The following GRIK5 variants were observed in gnomAD, a reference collection of about 807,000 sequenced individuals.
The protein encoded by GRIK5 is glutamate receptor ionotropic, kainate 5.
A neutral mutation model predicts 97.4 loss-of-function variants in GRIK5; 43 were observed. That is an observed-to-expected ratio of 0.44 (90% CI 0.35 to 0.57). The LOEUF is 0.57. Ranked by LOEUF, GRIK5 falls within the 20% of genes least tolerant of loss-of-function variation. The probability of loss-of-function intolerance (pLI) is 0.01; values close to 1 mark genes in which losing one functional copy is unlikely to be tolerated. For synonymous variants in GRIK5, 580 were observed against 583.5 expected (o/e 0.99, Z 0.09); for missense variants, 1,015 against 1,382.0 (o/e 0.73, Z 4.21).
chr19:42,059,376 G>A lies in GRIK5; in HGVS notation c.660C>T (p.Ala220=). The change falls in exon 6 of 20, where the codon GCC becomes GCT. Residue 220 remains alanine (A), a synonymous_variant. Transcript: ENST00000593562. The part of the protein sequence containing the change: ...KVSTIIIDAN[A]SISHLILRKA... Reference sequence around the variant, plus strand: ...TACGGAGGATGAGGTGGGAGATGGAGGCGTTGGCGTCGATGATGATGGTGG... The same window carrying A: ...TACGGAGGATGAGGTGGGAGATGGAAGCGTTGGCGTCGATGATGATGGTGG... 6.2e-7 allele frequency: 1 copy of A among 1,613,716 alleles called. No individual in the cohort carries two copies. Among genetic ancestry groups the A allele is most frequent in the Non-Finnish European group, 8.5e-7 (1 of 1,179,648 alleles).
chr19:42,007,645 C>T (rs782743003), intron 15 of GRIK5, among the ~76,000 whole-genome samples: 25 of 152,170 alleles, frequency 1.6e-4, no homozygotes, highest in South Asian at 1.2e-3. Context: ...ATTCAGAAAC[C>T]GGTGGTCCCC....
In GRIK5 at chr19:42,006,729, A is replaced by C. The variant is rs782710347; in HGVS notation, c.1953T>G (p.Pro651=). The C allele has an allele frequency of 1.2e-6, 2 of 1,613,804 alleles. No individual in the cohort carries two copies. The highest frequency in any genetic ancestry group is 1.7e-6 in the Non-Finnish European group (2 of 1,179,868). The part of the protein sequence containing the change: ...AFLTVQRMEV[P]VESADDLADQ... The stretch of plus-strand genomic sequence containing the variant: ...CTGCCAGGTCATCGGCCGACTCCAC[A>C]GGCACCTCCATGCGCTGCACGGTGA... The change falls in exon 16 of 20, where the codon CCT becomes CCG. Residue 651 remains proline (P), a synonymous_variant. Coordinates refer to ENST00000593562, the MANE Select transcript of GRIK5 (RefSeq NM_002088.5). This position sits in a 1 kb window ranked among gnomAD's most constrained non-coding sequence, Gnocchi z 5.3.
rs974175492 is a variant in GRIK5 at position 42,070,153 on chromosome 19, G to A, written c.-963C>T. On this transcript the variant is annotated 5_prime_UTR_variant, in exon 1 of 20. Coordinates refer to ENST00000593562, the MANE Select transcript of GRIK5 (RefSeq NM_002088.5). ...GCCGCCACCGCTCAGTCTCCCCTCC[G>A]AGGCCGCCGCCTGCCTGCCCGCCTG... Among the ~76,000 whole-genome samples the A allele has an allele frequency of 6.6e-6, 1 of 151,966 alleles. No individual in the cohort carries two copies. Among genetic ancestry groups the A allele is most frequent in the Non-Finnish European group, 1.5e-5 (1 of 67,966 alleles).
At chr19:42,039,881 G>A (rs1317917654) in intron 12 of GRIK5, among the ~76,000 whole-genome samples, 1 of 152,150 alleles carries the variant, frequency 6.6e-6, no homozygotes, top group African/African-American at 2.4e-5. Context: ...TCGGGAGGCT[G>A]AGGTGGGAGG....
chr19:42,062,415 T>G lies in GRIK5; in HGVS notation c.508+73A>C. On this transcript the variant is annotated intron_variant, in intron 5 of 19. Transcript: ENST00000593562. The surrounding 1 kb of genome is among the most constrained non-coding windows in gnomAD (Gnocchi z 5.3). ...TTCTAACTAGGGGGCAGTGAACCAC[T>G]GTGTGGGACACCAGATCTCTTGGGA... 1.3e-6 allele frequency: 2 copies of G among 1,502,632 alleles called. No homozygotes were observed. Among genetic ancestry groups the G allele is most frequent in the South Asian group, 1.2e-5 (1 of 84,930 alleles). The allele number at this position is 1,502,632 out of a possible 1,614,324, so 93.1% of individuals were successfully genotyped here.
chr19:42,043,870 A>G (rs1384833742), intron 11 of GRIK5, among the ~76,000 whole-genome samples: 1 of 152,126 alleles, frequency 6.6e-6, no homozygotes, highest in Non-Finnish European at 1.5e-5. Flanking sequence ...TGACTGTACC[A>G]CTGCACTTCA....
chr19:42,035,765 G>A (rs1026937291), intron 12 of GRIK5, among the ~76,000 whole-genome samples: 2 of 152,152 alleles, frequency 1.3e-5, no homozygotes, highest in Non-Finnish European at 2.9e-5. Context: ...TAGAAAATGA[G>A]TTGGAGGAAT....
At chr19:42,040,783 G>A (rs983017650) in intron 12 of GRIK5, among the ~76,000 whole-genome samples, 16 of 152,144 alleles carry the variant, frequency 1.1e-4, no homozygotes, top group African/African-American at 3.9e-4. Context: ...GAACCCGGGA[G>A]GTGGAGGTTG....
intron 1 of GRIK5, among the ~76,000 whole-genome samples, chr19:42,067,140 A>G (rs2146193195): frequency 6.6e-6 from 1 of 152,276 alleles, no homozygotes; most frequent in African/African-American, 2.4e-5. Flanking sequence ...TCCATGGAGT[A>G]GGGTTACTGT....
chr19:42,042,822 G>GGAT lies in GRIK5; in HGVS notation c.1270-68_1270-67insATC. 8.1e-7 allele frequency: 1 copy of GGAT among 1,231,080 alleles called. No homozygotes were observed. Among genetic ancestry groups the GGAT allele is most frequent in the Non-Finnish European group, 1.2e-6 (1 of 857,686 alleles). 76.3% of individuals were successfully genotyped at this position (1,231,080 alleles called of 1,614,324 possible). A position where few individuals can be genotyped will look rare whatever the true frequency, so the allele number is the denominator to read the frequency against. ...TAGTGGCTGGGTTGCGGATCCTGGA[G>GGAT]CCCGGACCAGGCAGGTAGAGCAGGA... On this transcript the variant is annotated intron_variant, in intron 11 of 19. Transcript: ENST00000593562. This position sits in a 1 kb window ranked among gnomAD's most constrained non-coding sequence, Gnocchi z 6.9.
chr19:42,007,076 T>G (rs1171602244), intron 15 of GRIK5, among the ~76,000 whole-genome samples: 6 of 151,968 alleles, frequency 3.9e-5, no homozygotes, highest in African/African-American at 7.3e-5. Flanking sequence ...AAGAGCTGGA[T>G]AGAATACAGG....
At chr19:42,039,849 A>T (rs1017412445) in intron 12 of GRIK5, among the ~76,000 whole-genome samples, 2 of 152,146 alleles carry the variant, frequency 1.3e-5, no homozygotes, top group Non-Finnish European at 2.9e-5. Flanking sequence ...GCATTATGGC[A>T]TATGCCTATA....
intron 15 of GRIK5, among the ~76,000 whole-genome samples, chr19:42,010,411 C>G (rs1555873732): frequency 2.0e-5 from 3 of 152,090 alleles, no homozygotes; most frequent in Admixed American, 6.6e-5. Context: ...AGAGAAACAT[C>G]TTAAAAGCAG....
intron 12 of GRIK5, among the ~76,000 whole-genome samples, chr19:42,041,061 G>C (rs1009012930): frequency 6.6e-6 from 1 of 152,074 alleles, no homozygotes; most frequent in Non-Finnish European, 1.5e-5. Context: ...TCTTGCCCAG[G>C]GTTCTGAGGG....
At chr19:42,059,285 A>T in intron 6 of GRIK5, 64 bp downstream of exon 6, 1 of 1,340,196 alleles carries the variant, frequency 7.5e-7, no homozygotes, top group Non-Finnish European at 1.1e-6. Flanking sequence ...GCATTGGGTG[A>T]CTTGCTCGGT....
intron 11 of GRIK5, among the ~76,000 whole-genome samples, chr19:42,045,125 T>C (rs2076027451): frequency 6.6e-6 from 1 of 152,214 alleles, no homozygotes; most frequent in Non-Finnish European, 1.5e-5. Flanking sequence ...CTCTCATTCA[T>C]TCAACACACA....
In GRIK5 at chr19:42,062,563, C is replaced by T. The variant is rs200461375; in HGVS notation, c.433G>A (p.Val145Ile). The T allele has an allele frequency of 2.6e-4, 418 of 1,614,068 alleles. No homozygotes were observed. The highest frequency in any genetic ancestry group is 3.4e-4 in the Non-Finnish European group (405 of 1,180,034). Residue 145 changes from valine (V) to isoleucine (I), a missense_variant, in exon 5 of 20, where the codon GTC becomes ATC. Val to Ile is a conservative substitution (Grantham distance 29). Transcript: ENST00000593562. This position sits in a 1 kb window ranked among gnomAD's most constrained non-coding sequence, Gnocchi z 5.3. ...SVSLYPSNED[V>I]SLAVSRILKS... ...AGGATTCGGGAGACCGCCAAGCTGACGTCCTCGTTACTGGGGTACAGGCTG... is the reference window on the plus strand; with the variant it reads ...AGGATTCGGGAGACCGCCAAGCTGATGTCCTCGTTACTGGGGTACAGGCTG...
At chr19:42,025,293 AGACTAAGCCTCTTGCCACAGTT>A (rs1289850839) in intron 12 of GRIK5, among the ~76,000 whole-genome samples, 2 of 152,198 alleles carry the variant, frequency 1.3e-5, no homozygotes. Context: ...TGAGGCACAG[AGACTAAGCCTCTTGCCACAGTT>A]GACCCTTGGA....
intron 19 of GRIK5, chr19:42,001,853 A>G (rs942342330): frequency 1.0e-5 from 5 of 485,346 alleles, no homozygotes; most frequent in Non-Finnish European, 1.8e-5. Flanking sequence ...TCACCAGCAC[A>G]TAGTGGGTCT....
Sources: gnomAD v4.1 joint callset for allele counts (sites outside exome capture counted in the v4.1 genomes callset) on GRCh38, gnomAD v4.1.1 for gene constraint, Gnocchi (gnomAD v3.1) non-coding constraint, MANE v1.5 for transcripts, NCBI Gene and HGNC (gene_info 2026-07-23, HGNC 2026-07-21) for gene names.